The following FBXW8 variants were observed in gnomAD, a reference collection of about 807,000 sequenced individuals.
The protein encoded by FBXW8 is F-box/WD repeat-containing protein 8.
FBXW8 carries 57 observed loss-of-function variants against 65.3 expected under a neutral mutation model. The ratio of observed to expected loss-of-function variants is 0.87; its 90% CI spans 0.71 to 1.09. FBXW8 has a LOEUF of 1.09. Ranked by LOEUF, FBXW8 falls within the 50% of genes least tolerant of loss-of-function variation. The pLI, the probability that FBXW8 is intolerant of heterozygous loss-of-function variation, is 0.00. For synonymous variants in FBXW8, 308 were observed against 330.2 expected (o/e 0.93, Z 0.73); for missense variants, 777 against 814.8 (o/e 0.95, Z 0.57).
chr12:116,939,002 T>C (rs971335912), intron 2 of FBXW8, among the ~76,000 whole-genome samples: 1 of 152,206 alleles, frequency 6.6e-6, no homozygotes, highest in Non-Finnish European at 1.5e-5. Flanking sequence ...ACTGTGGGCC[T>C]GAGTGCCCAG....
At chr12:116,923,821 C>T (rs903241489) in intron 1 of FBXW8, among the ~76,000 whole-genome samples, 18 of 152,256 alleles carry the variant, frequency 1.2e-4, no homozygotes, top group Admixed American at 4.6e-4. Context: ...CCCAAGTTCA[C>T]GCCGTTCTTC....
rs753116676 is a variant in FBXW8, at chr12:117,028,109, C to G, written c.1734C>G (p.Ser578=). ...FQSPLPVCRS[S]CDAMATHYYD... Reference sequence around the variant, plus strand: ...GCCCTCTCCCTGTCTGCCGTTCATCCTGTGACGCCATGGCCACTCACTACT... The same window carrying G: ...GCCCTCTCCCTGTCTGCCGTTCATCGTGTGACGCCATGGCCACTCACTACT... Residue 578 remains serine (S), a synonymous_variant, in exon 11 of 11, where the codon TCC becomes TCG. Coordinates refer to ENST00000652555, the MANE Select transcript of FBXW8 (RefSeq NM_153348.3). The surrounding 1 kb of genome is among the most constrained non-coding windows in gnomAD (Gnocchi z 4.1). The G allele has an allele frequency of 6.2e-7, 1 of 1,614,210 alleles. No individual in the cohort carries two copies. The highest frequency in any genetic ancestry group is 2.2e-5 in the East Asian group (1 of 44,886).
At chr12:117,023,489 C>T (rs1489271204) in intron 8 of FBXW8, among the ~76,000 whole-genome samples, 1 of 151,980 alleles carries the variant, frequency 6.6e-6, no homozygotes, top group Non-Finnish European at 1.5e-5. Flanking sequence ...CTAATTTATC[C>T]TCGTGAAAAA....
intron 8 of FBXW8, among the ~76,000 whole-genome samples, chr12:117,016,995 CTG>C (rs1437677897): frequency 7.9e-5 from 12 of 152,190 alleles, no homozygotes; most frequent in Admixed American, 4.6e-4. Context: ...ATCTGTATGT[CTG>C]TGTTCTGGCA....
intron 2 of FBXW8, among the ~76,000 whole-genome samples, chr12:116,932,211 A>G (rs1314612314): frequency 1.3e-5 from 2 of 152,178 alleles, no homozygotes; most frequent in Non-Finnish European, 2.9e-5. Flanking sequence ...TTTGATGGAC[A>G]ACTGTATTCT....
intron 1 of FBXW8, among the ~76,000 whole-genome samples, chr12:116,923,754 T>A (rs928722597): frequency 1.3e-5 from 2 of 152,006 alleles, no homozygotes; most frequent in Admixed American, 6.5e-5. Context: ...GGAGTCTTGC[T>A]CTGTCGCCCG....
intron 4 of FBXW8, among the ~76,000 whole-genome samples, chr12:116,959,763 A>G (rs1380541524): frequency 6.6e-6 from 1 of 152,162 alleles, no homozygotes; most frequent in African/African-American, 2.4e-5. Flanking sequence ...AGCTTGAGAG[A>G]GGCTCTATTC....
At chr12:116,959,243 A>G (rs1427382335) in intron 4 of FBXW8, among the ~76,000 whole-genome samples, 1 of 152,214 alleles carries the variant, frequency 6.6e-6, no homozygotes, top group Non-Finnish European at 1.5e-5. Context: ...GGTTAGGGTC[A>G]GGGGCTGTGT....
intron 2 of FBXW8, among the ~76,000 whole-genome samples, chr12:116,942,344 A>G (rs1482638033): frequency 1.3e-5 from 2 of 150,322 alleles, no homozygotes; most frequent in Non-Finnish European, 3.0e-5. Flanking sequence ...TAGAGTAGAT[A>G]ATCTCAATTG....
intron 2 of FBXW8, among the ~76,000 whole-genome samples, chr12:116,941,182 G>A (rs993465810): frequency 6.6e-6 from 1 of 152,182 alleles, no homozygotes; most frequent in Non-Finnish European, 1.5e-5. Flanking sequence ...CTCTCCACTG[G>A]AAGCATTGCA....
rs760805059 is a variant in FBXW8, at chr12:117,002,288, C to T, written c.1240-8035C>T. 4.6e-5 allele frequency among the ~76,000 whole-genome samples: 7 copies of T among 152,232 alleles called. 1 individual carries two copies. In the East Asian group the frequency reaches 5.8e-4, roughly 13 times the overall value. Reference sequence around the variant, plus strand: ...AGCGCCTGGCGACGCTCAGCAACACCGTCCCATCCCTGAAATATCTTGGCC... The same window carrying T: ...AGCGCCTGGCGACGCTCAGCAACACTGTCCCATCCCTGAAATATCTTGGCC... On this transcript the variant is annotated intron_variant, in intron 7 of 10. Coordinates refer to ENST00000652555, the MANE Select transcript of FBXW8 (RefSeq NM_153348.3).
chr12:116,999,610 C>T (rs1953459928), intron 7 of FBXW8, among the ~76,000 whole-genome samples: 1 of 151,438 alleles, frequency 6.6e-6, no homozygotes, highest in Non-Finnish European at 1.5e-5. Flanking sequence ...GTCAGTGCCC[C>T]TCCTCACGGT....
chr12:116,961,737 G>A lies in FBXW8; in HGVS notation c.678-2960G>A, dbSNP rs1592893264. On this transcript the variant is annotated intron_variant, in intron 4 of 10. Coordinates refer to ENST00000652555, the MANE Select transcript of FBXW8 (RefSeq NM_153348.3). The surrounding 1 kb of genome is among the most constrained non-coding windows in gnomAD (Gnocchi z 4.4). ...GATCACAGACATGCACCACTGCCAT[G>A]ACGGAGACGTCCAGGCTGCCGTGAA... Among the ~76,000 whole-genome samples the A allele has an allele frequency of 6.6e-6, 1 of 152,222 alleles. No individual in the cohort carries two copies. Among genetic ancestry groups the A allele is most frequent in the South Asian group, 2.1e-4 (1 of 4,832 alleles).
At chr12:116,912,562 C>T (rs1880069044) in intron 1 of FBXW8, among the ~76,000 whole-genome samples, 1 of 151,696 alleles carries the variant, frequency 6.6e-6, no homozygotes, top group South Asian at 2.1e-4. Flanking sequence ...TAGGTTCACG[C>T]CATTCTCCTG....
chr12:116,918,583 T>C, intron 1 of FBXW8, among the ~76,000 whole-genome samples: 1 of 152,234 alleles, frequency 6.6e-6, no homozygotes. Flanking sequence ...GTCTTCTATC[T>C]GCTTAGCAAC....
At chr12:116,928,191 C>A (rs111490265) in intron 2 of FBXW8, 64 bp downstream of exon 2, 2 of 967,906 alleles carry the variant, frequency 2.1e-6, no homozygotes, top group Non-Finnish European at 3.2e-6. Flanking sequence ...TAGGACTCTC[C>A]GGGGTAATAG....
intron 5 of FBXW8, among the ~76,000 whole-genome samples, chr12:116,976,353 A>G (rs1884929283): frequency 6.6e-6 from 1 of 150,792 alleles, no homozygotes; most frequent in Non-Finnish European, 1.5e-5. Context: ...TTTGTCTTCA[A>G]GCTATTCCCC....
chr12:116,994,918 A>G (rs1001867658), intron 7 of FBXW8, among the ~76,000 whole-genome samples: 1 of 152,122 alleles, frequency 6.6e-6, no homozygotes, highest in Non-Finnish European at 1.5e-5. Flanking sequence ...CATGATTTTG[A>G]TAGACATTGC....
At chr12:116,990,444 C>T (rs1318273173) in intron 7 of FBXW8, among the ~76,000 whole-genome samples, 1 of 152,112 alleles carries the variant, frequency 6.6e-6, no homozygotes, top group Non-Finnish European at 1.5e-5. Flanking sequence ...AAAAAACTTT[C>T]TTTTCCCATC....
Sources: allele counts gnomAD v4.1 joint callset (sites outside exome capture counted in the v4.1 genomes callset), GRCh38; gene constraint gnomAD v4.1.1; non-coding constraint Gnocchi (gnomAD v3.1); transcripts MANE v1.5; gene names NCBI Gene and HGNC (gene_info 2026-07-23, HGNC 2026-07-21).